The following DNAJC11 variants were observed in gnomAD, a reference collection of about 807,000 sequenced individuals.
DNAJC11 encodes the protein dnaJ homolog subfamily C member 11.
DNAJC11 carries 15 observed loss-of-function variants against 78.6 expected under a neutral mutation model. That is an observed-to-expected ratio of 0.19 (90% CI 0.13 to 0.29). The LOEUF is 0.29. DNAJC11 is among the 10% of genes least tolerant of loss of function. The probability of loss-of-function intolerance (pLI) is 1.00; values close to 1 mark genes in which losing one functional copy is unlikely to be tolerated. For missense variants in DNAJC11, 547 were observed against 709.6 expected (o/e 0.77, Z 2.60); for synonymous variants, 292 against 272.1 (o/e 1.07, Z -0.72).
chr1:6,641,259 G>A (rs563906137), intron 10 of DNAJC11, among the ~76,000 whole-genome samples: 165 of 151,632 alleles, frequency 1.1e-3, no homozygotes, highest in Non-Finnish European at 1.9e-3. Context: ...GGTGGTGGGC[G>A]CCTGTAATCC....
At position 6,636,003 on chromosome 1, in the gene DNAJC11, C is replaced by T. The variant is rs1381271426; in HGVS notation, c.1654+114G>A. The T allele has an allele frequency of 7.7e-6, 11 of 1,425,172 alleles. No homozygotes were observed. In the East Asian group the frequency reaches 2.7e-4, roughly 35 times the overall value. The allele number at this position is 1,425,172 out of a possible 1,614,324, so 88.3% of individuals were successfully genotyped here. The stretch of plus-strand genomic sequence containing the variant: ...GGTCAAGGGCTAGTTGGCGTCTCTG[C>T]TCCCAGGTGGGCAGCTGAGGAAGGT... On this transcript the variant is annotated intron_variant, in intron 15 of 15. Transcript: ENST00000377577.
At chr1:6,660,859 T>C (rs1642201049) in intron 4 of DNAJC11, among the ~76,000 whole-genome samples, 1 of 152,250 alleles carries the variant, frequency 6.6e-6, no homozygotes, top group South Asian at 2.1e-4. Flanking sequence ...TCAGAAATTC[T>C]GAGCCTGAGT....
chr1:6,676,312 A>G (rs1317374331), intron 3 of DNAJC11, among the ~76,000 whole-genome samples: 1 of 152,174 alleles, frequency 6.6e-6, no homozygotes, highest in African/African-American at 2.4e-5. Context: ...GAAAAGACAG[A>G]AGACTGAATT....
At position 6,673,839 on chromosome 1, in the gene DNAJC11, C is replaced by T. The variant is rs568956167; in HGVS notation, c.276+4555G>A. Among the ~76,000 whole-genome samples the T allele has an allele frequency of 5.3e-4, 80 of 152,312 alleles. 1 individual carries two copies. Among genetic ancestry groups the T allele is most frequent in the Admixed American group, 6.5e-4 (10 of 15,298 alleles). The stretch of plus-strand genomic sequence containing the variant: ...GTTTTTCATGATCTTGACCATATTA[C>T]TGCTTTTAATACAGGCTGACTTTCT... On this transcript the variant is annotated intron_variant, in intron 3 of 15. Coordinates refer to ENST00000377577, the MANE Select transcript of DNAJC11 (RefSeq NM_018198.4).
At chr1:6,655,938 C>G (rs539354711) in intron 4 of DNAJC11, among the ~76,000 whole-genome samples, 1 of 151,658 alleles carries the variant, frequency 6.6e-6, no homozygotes, top group Non-Finnish European at 1.5e-5. Context: ...CCCATCTCTA[C>G]TAAAAATACA....
At chr1:6,667,305 A>G (rs917303273) in intron 4 of DNAJC11, among the ~76,000 whole-genome samples, 4 of 151,998 alleles carry the variant, frequency 2.6e-5, no homozygotes, top group African/African-American at 9.7e-5. Flanking sequence ...TGCTGCCTCA[A>G]TGCTTAGGTG....
chr1:6,643,447 T>G (rs533348479), intron 10 of DNAJC11, among the ~76,000 whole-genome samples: 3 of 151,970 alleles, frequency 2.0e-5, no homozygotes, highest in South Asian at 2.1e-4. Flanking sequence ...GGTTAATTTT[T>G]TGTATTTTTA....
At chr1:6,673,495 T>C (rs757051632) in intron 3 of DNAJC11, among the ~76,000 whole-genome samples, 17 of 152,186 alleles carry the variant, frequency 1.1e-4, no homozygotes, top group Non-Finnish European at 2.1e-4. Flanking sequence ...GTCATCTGGT[T>C]CTAGCTAGTA....
intron 14 of DNAJC11, among the ~76,000 whole-genome samples, chr1:6,636,668 C>T (rs1159458391): frequency 6.6e-6 from 1 of 152,146 alleles, no homozygotes; most frequent in Admixed American, 6.5e-5. Context: ...TGGCACACAC[C>T]AGGGGCTCAG....
intron 3 of DNAJC11, among the ~76,000 whole-genome samples, chr1:6,668,811 T>C (rs527395565): frequency 1.3e-5 from 2 of 152,248 alleles, no homozygotes; most frequent in Non-Finnish European, 2.9e-5. Context: ...CTGTCAGTTA[T>C]AGGCTGGCGT....
intron 3 of DNAJC11, among the ~76,000 whole-genome samples, chr1:6,675,642 C>T (rs2294526): frequency 2.0e-5 from 3 of 151,920 alleles, no homozygotes; most frequent in South Asian, 2.1e-4. Flanking sequence ...CAGCTGGTCT[C>T]GAACTCCTGA....
chr1:6,662,338 C>T (rs532770786), intron 4 of DNAJC11, among the ~76,000 whole-genome samples: 4 of 151,998 alleles, frequency 2.6e-5, no homozygotes, highest in Admixed American at 6.6e-5. Context: ...GGATTACAGG[C>T]GCCTGCCACC....
At chr1:6,656,398 A>G (rs1350655515) in intron 4 of DNAJC11, among the ~76,000 whole-genome samples, 1 of 152,206 alleles carries the variant, frequency 6.6e-6, no homozygotes, top group African/African-American at 2.4e-5. Context: ...AACATTCAAA[A>G]GATCATAAAT....
At position 6,634,621 on chromosome 1, in the gene DNAJC11, T is replaced by G; in HGVS notation, c.*1054A>C. 1 of 1,366,464 alleles carries G rather than the reference T, an allele frequency of 7.3e-7. No individual in the cohort carries two copies. Among genetic ancestry groups the G allele is most frequent in the Non-Finnish European group, 9.8e-7 (1 of 1,021,842 alleles). The allele number at this position is 1,366,464 out of a possible 1,614,324, so 84.6% of individuals were successfully genotyped here. On this transcript the variant is annotated 3_prime_UTR_variant, in exon 16 of 16. Transcript: ENST00000377577. Reference sequence around the variant, plus strand: ...CCCGAGAGACAGGCCTCACGTAACTTTACTGCAGCCGAGGTCCAGGCCGTG... The same window carrying G: ...CCCGAGAGACAGGCCTCACGTAACTGTACTGCAGCCGAGGTCCAGGCCGTG...
intron 12 of DNAJC11, chr1:6,637,783 G>A (rs558038870): frequency 1.8e-6 from 1 of 544,450 alleles, no homozygotes; most frequent in South Asian, 2.3e-5. Flanking sequence ...GATCATTAAT[G>A]CGTGGGTGGG....
At chr1:6,671,218 T>G (rs1417595080) in intron 3 of DNAJC11, among the ~76,000 whole-genome samples, 1 of 152,132 alleles carries the variant, frequency 6.6e-6, no homozygotes, top group African/African-American at 2.4e-5. Context: ...TGATTTGATT[T>G]ATTTATTTAT....
At position 6,656,731 on chromosome 1, in the gene DNAJC11, C is replaced by CA. The variant is rs33945459; in HGVS notation, c.379-2693dup. On this transcript the variant is annotated intron_variant, in intron 4 of 15. Transcript: ENST00000377577. ...CTGTCTCCACAAAAAAAACTAAAACCAAAAAAAAAAAAAAAAAGTTTAGCT... is the reference window on the plus strand; with the variant it reads ...CTGTCTCCACAAAAAAAACTAAAACCAAAAAAAAAAAAAAAAAAGTTTAGCT... Among the ~76,000 whole-genome samples, 345 of 123,274 alleles carry CA rather than the reference C, an allele frequency of 2.8e-3. 1 individual carries two copies. The highest frequency in any genetic ancestry group is 7.3e-3 in the African/African-American group (236 of 32,428). 80.9% of individuals were successfully genotyped at this position (123,274 alleles called of 152,430 possible).
chr1:6,648,078 T>C (rs1460464997), intron 7 of DNAJC11, among the ~76,000 whole-genome samples: 2 of 152,184 alleles, frequency 1.3e-5, no homozygotes, highest in Non-Finnish European at 2.9e-5. Flanking sequence ...TCTCCCAAGC[T>C]TGTGTGACCT....
chr1:6,687,874 C>G (rs2147883087), intron 1 of DNAJC11, among the ~76,000 whole-genome samples: 1 of 152,266 alleles, frequency 6.6e-6, no homozygotes, highest in South Asian at 2.1e-4. Flanking sequence ...TCTGACTGAT[C>G]TCCACAGGAA....
Sources: allele counts gnomAD v4.1 joint callset (sites outside exome capture counted in the v4.1 genomes callset), GRCh38; gene constraint gnomAD v4.1.1; transcripts MANE v1.5; gene names NCBI Gene and HGNC (gene_info 2026-07-23, HGNC 2026-07-21).